PALLD: variants seen among roughly 807,000 people sequenced by gnomAD.
PALLD encodes palladin, cytoskeletal associated protein.
PALLD carries 61 observed loss-of-function variants against 123.5 expected under a neutral mutation model. The ratio of observed to expected loss-of-function variants is 0.49; its 90% CI spans 0.40 to 0.61. The LOEUF is 0.61. Among genes scored for constraint, PALLD ranks in the 20% least tolerant of loss-of-function variants. PALLD has a pLI of 0.00. For missense variants in PALLD, 1,273 were observed against 1,377.0 expected (o/e 0.92, Z 1.20); for synonymous variants, 465 against 496.4 (o/e 0.94, Z 0.84).
intron 10 of PALLD, among the ~76,000 whole-genome samples, chr4:168,809,664 G>A (rs2150731704): frequency 6.6e-6 from 1 of 152,208 alleles, no homozygotes; most frequent in Non-Finnish European, 1.5e-5. Flanking sequence ...AGAAGTTCTA[G>A]ACCAGCCTGG....
At chr4:168,759,197 AAAAAAATATATATATATATATAT>A in intron 10 of PALLD, among the ~76,000 whole-genome samples, 1 of 30,730 alleles carries the variant, frequency 3.3e-5, no homozygotes, top group South Asian at 1.1e-3. Context: ...AAAAAAAAAA[AAAAAAATATATATATATATATAT>A]ATATATATAT....
At position 168,832,179 on chromosome 4, in the gene PALLD, C is replaced by T. The variant is rs1394504839; in HGVS notation, c.1965-58743C>T. The T allele has an allele frequency of 3.0e-6, 3 of 985,374 alleles. No homozygotes were observed. The African/African-American group carries it at 5.2e-5, about 17-fold the overall frequency. The allele number at this position is 985,374 out of a possible 1,614,324, so 61.0% of individuals were successfully genotyped here. ...GCGGCCCGGAGAGCCGAGGTAGGCG[C>T]GGGGAATCGGCCCTGAGGCTGGTGG... On this transcript the variant is annotated intron_variant, in intron 10 of 21. Transcript: ENST00000505667.
intron 2 of PALLD, among the ~76,000 whole-genome samples, chr4:168,558,502 C>T (rs1158656377): frequency 6.6e-6 from 1 of 152,192 alleles, no homozygotes; most frequent in Non-Finnish European, 1.5e-5. Flanking sequence ...CAAACAGAAA[C>T]GTGCCTGGCA....
intron 10 of PALLD, among the ~76,000 whole-genome samples, chr4:168,752,536 T>C (rs1383917098): frequency 6.6e-6 from 1 of 152,206 alleles, no homozygotes; most frequent in Middle Eastern, 3.2e-3. Context: ...GGAGTGCGGG[T>C]ACTAAGATGA....
chr4:168,851,550 T>C (rs1747792317), intron 10 of PALLD, among the ~76,000 whole-genome samples: 1 of 152,126 alleles, frequency 6.6e-6, no homozygotes, highest in Non-Finnish European at 1.5e-5. Context: ...GTATTTTTAA[T>C]AGAGACGGGG....
chr4:168,709,542 GGAAGGAAGGAAGGAAGGAAGGA>G (rs1784545844), intron 9 of PALLD, among the ~76,000 whole-genome samples: 20 of 928 alleles, frequency 0.022, 3 homozygotes, highest in African/African-American at 0.027. Flanking sequence ...AAGGAAGGAA[GGAAGGAAGGAAGGAAGGAAGGA>G]AGGAAGGAAG....
intron 13 of PALLD, among the ~76,000 whole-genome samples, chr4:168,897,358 T>C (rs1234311566): frequency 1.3e-5 from 2 of 152,236 alleles, no homozygotes; most frequent in African/African-American, 4.8e-5. Context: ...TTTTAAACAC[T>C]GAGTAACTTC....
At chr4:168,695,868 G>A (rs1783083127) in intron 8 of PALLD, among the ~76,000 whole-genome samples, 1 of 151,950 alleles carries the variant, frequency 6.6e-6, no homozygotes, top group Admixed American at 6.6e-5. Flanking sequence ...TTTGGCTTAG[G>A]AGCACCATTT....
intron 2 of PALLD, among the ~76,000 whole-genome samples, chr4:168,641,410 T>G (rs1418870580): frequency 6.6e-6 from 1 of 152,062 alleles, no homozygotes; most frequent in Non-Finnish European, 1.5e-5. Context: ...GATCTACCTT[T>G]GCCCTGGGAT....
At chr4:168,835,087 T>C (rs1744942483) in intron 10 of PALLD, among the ~76,000 whole-genome samples, 1 of 152,228 alleles carries the variant, frequency 6.6e-6, no homozygotes, top group Admixed American at 6.5e-5. Flanking sequence ...ATTTCCCCCC[T>C]TTCCAGATTT....
chr4:168,609,053 T>C (rs1263022514), intron 2 of PALLD, among the ~76,000 whole-genome samples: 3 of 152,116 alleles, frequency 2.0e-5, no homozygotes, highest in East Asian at 3.9e-4. Flanking sequence ...CTCCATAAAA[T>C]TGGGTGATCT....
chr4:168,609,744 A>G (rs1398687097), intron 2 of PALLD, among the ~76,000 whole-genome samples: 4 of 152,210 alleles, frequency 2.6e-5, no homozygotes, highest in Admixed American at 2.0e-4. Flanking sequence ...CATCTCATAC[A>G]GCTCAGAACC....
intron 10 of PALLD, among the ~76,000 whole-genome samples, chr4:168,837,821 G>A (rs1008223653): frequency 1.3e-5 from 2 of 152,246 alleles, no homozygotes; most frequent in Admixed American, 1.3e-4. Context: ...GAGTAAAGCA[G>A]TGAATGAAAT....
chr4:168,708,271 T>C (rs559034562), intron 8 of PALLD, among the ~76,000 whole-genome samples: 1 of 151,776 alleles, frequency 6.6e-6, no homozygotes, highest in Admixed American at 6.6e-5. Flanking sequence ...CTTGTTATCG[T>C]CATCATCATC....
At chr4:168,608,193 G>A (rs1773377936) in intron 2 of PALLD, among the ~76,000 whole-genome samples, 1 of 152,202 alleles carries the variant, frequency 6.6e-6, no homozygotes, top group East Asian at 1.9e-4. Context: ...CAGAAAGAGA[G>A]ATGCTTGAGC....
intron 10 of PALLD, among the ~76,000 whole-genome samples, chr4:168,815,710 A>G (rs1741799322): frequency 6.6e-6 from 1 of 152,234 alleles, no homozygotes; most frequent in Non-Finnish European, 1.5e-5. Context: ...CTGCCCAGTA[A>G]CAGGGCTGCA....
intron 2 of PALLD, among the ~76,000 whole-genome samples, chr4:168,606,312 G>A (rs146608912): frequency 5.1e-4 from 77 of 152,236 alleles, no homozygotes; most frequent in African/African-American, 1.7e-3. Context: ...TCGCCACCCA[G>A]GACAACAGCT....
intron 2 of PALLD, among the ~76,000 whole-genome samples, chr4:168,633,501 A>G (rs1286961852): frequency 6.6e-6 from 1 of 152,176 alleles, no homozygotes; most frequent in Non-Finnish European, 1.5e-5. Flanking sequence ...ATAATTTTTC[A>G]TTGTTCCTTT....
chr4:168,875,953 A>G (rs774207003), intron 10 of PALLD, among the ~76,000 whole-genome samples: 6 of 152,194 alleles, frequency 3.9e-5, no homozygotes, highest in Non-Finnish European at 7.3e-5. Context: ...ACACACAGCA[A>G]TTTGCTGATG....
Sources: gnomAD v4.1 joint callset for allele counts (sites outside exome capture counted in the v4.1 genomes callset) on GRCh38, gnomAD v4.1.1 for gene constraint, MANE v1.5 for transcripts, NCBI Gene and HGNC (gene_info 2026-07-23, HGNC 2026-07-21) for gene names.